The following EPHB1 variants were observed in gnomAD, a reference collection of about 807,000 sequenced individuals.
EPHB1 encodes the protein EPH receptor B1.
In EPHB1, 30 loss-of-function variants were observed where a neutral mutation model predicts 94.4. That is an observed-to-expected ratio of 0.32 (90% confidence interval 0.24 to 0.43). EPHB1 has a LOEUF of 0.43. EPHB1 is among the 20% of genes least tolerant of loss of function. EPHB1 has a pLI of 1.00. For synonymous variants in EPHB1, 522 were observed against 489.1 expected, an observed-to-expected ratio of 1.07 and a Z score of -0.89; for missense variants, 1,055 against 1,308.3, an observed-to-expected ratio of 0.81 and a Z score of 2.99.
At chr3:135,108,454 T>C (rs1355217312) in intron 4 of EPHB1, among the ~76,000 whole-genome samples, 1 of 152,206 alleles carries the variant, frequency 6.6e-6, no homozygotes, top group Non-Finnish European at 1.5e-5. Flanking sequence ...TTTAGGCATT[T>C]GTTTCTTTTA....
intron 5 of EPHB1, among the ~76,000 whole-genome samples, chr3:135,142,172 G>A (rs1229295654): frequency 6.6e-6 from 1 of 152,176 alleles, no homozygotes; most frequent in East Asian, 1.9e-4. Flanking sequence ...AGTGAAGGGG[G>A]AAGTATTGGG....
At chr3:135,063,698 T>C (rs1937545203) in intron 3 of EPHB1, among the ~76,000 whole-genome samples, 1 of 152,232 alleles carries the variant, frequency 6.6e-6, no homozygotes, top group Non-Finnish European at 1.5e-5. Flanking sequence ...TCTTGTCTGA[T>C]TGCTCTGGCT....
intron 1 of EPHB1, among the ~76,000 whole-genome samples, chr3:134,813,503 G>A (rs1010655176): frequency 3.9e-5 from 6 of 152,160 alleles, no homozygotes; most frequent in African/African-American, 1.2e-4. Flanking sequence ...CCTGTGAATG[G>A]TGGTCTGAAA....
At chr3:135,140,654 A>G (rs1940788382) in intron 5 of EPHB1, among the ~76,000 whole-genome samples, 1 of 152,134 alleles carries the variant, frequency 6.6e-6, no homozygotes, top group Admixed American at 6.5e-5. Context: ...TGCACCCCCA[A>G]ACCATAACCA....
Position 135,183,247 on chromosome 3 carries a change from T to TCTTCCTTCCTTCCTTC in EPHB1, c.1882+3296_1882+3311dup, listed in dbSNP as rs61228471. 8.1e-3 allele frequency among the ~76,000 whole-genome samples: 739 copies of TCTTCCTTCCTTCCTTC among 91,392 alleles called. 9 individuals are homozygous for TCTTCCTTCCTTCCTTC. The highest frequency in any genetic ancestry group is 0.026 in the African/African-American group (647 of 24,664). 60.0% of individuals were successfully genotyped at this position (91,392 alleles called of 152,430 possible). On this transcript the variant is annotated intron_variant, in intron 10 of 15. Transcript: ENST00000398015. ...CCCTCCCTTCCTCCCTCCCTCCCTT[T>TCTTCCTTCCTTCCTTC]CTTCCTTCCTTCCTTCCTTCCTTCC...
chr3:135,010,396 T>C (rs1292190686), intron 3 of EPHB1, among the ~76,000 whole-genome samples: 1 of 152,174 alleles, frequency 6.6e-6, no homozygotes, highest in Admixed American at 6.5e-5. Context: ...TTTTTTCTTA[T>C]CCACTCAGCT....
At chr3:135,039,329 C>T (rs1022256334) in intron 3 of EPHB1, among the ~76,000 whole-genome samples, 4 of 152,246 alleles carry the variant, frequency 2.6e-5, no homozygotes, top group South Asian at 2.1e-4. Flanking sequence ...AGACTCTCCA[C>T]GTCCCCACCA....
intron 12 of EPHB1, among the ~76,000 whole-genome samples, chr3:135,237,305 CACACACAG>C (rs1226084062): frequency 2.7e-5 from 4 of 147,504 alleles, no homozygotes; most frequent in East Asian, 4.2e-4. Context: ...CACACACACA[CACACACAG>C]ACAGACACAA....
At chr3:134,841,310 A>G (rs2036772708) in intron 1 of EPHB1, among the ~76,000 whole-genome samples, 2 of 152,184 alleles carry the variant, frequency 1.3e-5, no homozygotes, top group Admixed American at 6.5e-5. Flanking sequence ...TTAGAGGAAC[A>G]GGGCTTCCCA....
intron 3 of EPHB1, among the ~76,000 whole-genome samples, chr3:135,041,132 C>T (rs964699959): frequency 6.6e-6 from 1 of 152,192 alleles, no homozygotes; most frequent in African/African-American, 2.4e-5. Context: ...AGCAGGGATG[C>T]ATCCGCTCTG....
At chr3:134,839,254 A>G (rs1477440489) in intron 1 of EPHB1, among the ~76,000 whole-genome samples, 2 of 152,224 alleles carry the variant, frequency 1.3e-5, no homozygotes, top group African/African-American at 4.8e-5. Flanking sequence ...CTAAGTGTGC[A>G]TAGTAACTGT....
At chr3:134,931,569 G>A (rs940247857) in intron 2 of EPHB1, among the ~76,000 whole-genome samples, 3 of 152,188 alleles carry the variant, frequency 2.0e-5, no homozygotes, top group African/African-American at 4.8e-5. Context: ...CCTGTGATAC[G>A]CTCTGTTGAC....
intron 1 of EPHB1, among the ~76,000 whole-genome samples, chr3:134,887,354 A>G (rs953178239): frequency 3.3e-5 from 5 of 152,220 alleles, no homozygotes; most frequent in African/African-American, 1.2e-4. Flanking sequence ...AAATTCACAT[A>G]TCACTTTCAC....
At chr3:134,838,470 G>A (rs2036716983) in intron 1 of EPHB1, among the ~76,000 whole-genome samples, 1 of 152,000 alleles carries the variant, frequency 6.6e-6, no homozygotes, top group Non-Finnish European at 1.5e-5. Context: ...TCTCCCAAAT[G>A]TCTTCCCCAC....
At chr3:135,103,147 A>G (rs960305311) in intron 3 of EPHB1, among the ~76,000 whole-genome samples, 8 of 152,102 alleles carry the variant, frequency 5.3e-5, no homozygotes, top group Non-Finnish European at 1.2e-4. Context: ...TAAAAAAAAG[A>G]AAAAAGAAAA....
At chr3:134,918,690 C>G (rs941795606) in intron 1 of EPHB1, among the ~76,000 whole-genome samples, 3 of 152,174 alleles carry the variant, frequency 2.0e-5, no homozygotes, top group African/African-American at 7.2e-5. Flanking sequence ...TCACATTCTG[C>G]TCACTGCTAC....
chr3:135,213,161 T>G (rs56080711), intron 12 of EPHB1, among the ~76,000 whole-genome samples: 20,141 of 152,278 alleles, frequency 0.13, 1,687 homozygotes, highest in Middle Eastern at 0.23. Context: ...TTCCCCCAGG[T>G]GTTCCTTCTG....
intron 3 of EPHB1, among the ~76,000 whole-genome samples, chr3:135,007,675 T>C (rs556600220): frequency 6.6e-6 from 1 of 152,304 alleles, no homozygotes; most frequent in Admixed American, 6.5e-5. Flanking sequence ...GGCTCCCGAT[T>C]TATAATTTAC....
intron 9 of EPHB1, among the ~76,000 whole-genome samples, chr3:135,178,511 T>C (rs1942056998): frequency 6.6e-6 from 1 of 152,018 alleles, no homozygotes. Flanking sequence ...ATCTTCTGTC[T>C]TCCTTTGGAT....
Sources: gnomAD v4.1 joint callset for allele counts (sites outside exome capture counted in the v4.1 genomes callset) on GRCh38, gnomAD v4.1.1 for gene constraint, MANE v1.5 for transcripts, NCBI Gene and HGNC (gene_info 2026-07-23, HGNC 2026-07-21) for gene names.